Variants in ANO1 observed in about 807,000 individuals in gnomAD.
The protein encoded by ANO1 is anoctamin-1.
In ANO1, 59 loss-of-function variants were observed where a neutral mutation model predicts 124.0. That is an observed-to-expected ratio of 0.48 (90% CI 0.39 to 0.59). The LOEUF is 0.59. ANO1 is among the 20% of genes least tolerant of loss of function. The pLI is 0.00. For synonymous variants in ANO1, 529 were observed against 532.0 expected (o/e 0.99, Z 0.08); for missense variants, 1,059 against 1,328.0 (o/e 0.80, Z 3.15).
chr11:69,998,684 C>G lies in ANO1; in HGVS notation c.58+12518C>G, dbSNP rs116454545. Among the ~76,000 whole-genome samples the G allele has an allele frequency of 8.6e-3, 1,306 of 152,280 alleles. 5 individuals carry two copies. The highest frequency in any genetic ancestry group is 0.024 in the Middle Eastern group (7 of 294). On this transcript the variant is annotated intron_variant, in intron 1 of 27. Transcript: ENST00000531349. ...AAATACCTGGCCAGGCGCAGTGGCT[C>G]ACACCTGCAATCTCAGCACTTGGGT...
In ANO1 at chr11:70,167,406, A is replaced by C. The variant is rs1433139279; in HGVS notation, c.2197+19A>C. On this transcript the variant is annotated intron_variant, in intron 21 of 25. Coordinates refer to ENST00000355303, the MANE Select transcript of ANO1 (RefSeq NM_018043.7). The stretch of plus-strand genomic sequence containing the variant: ...GAAATGAGTGAGTGATGGCCGGGGC[A>C]GGCAGGTGACATCAGGATAGAAACA... 10 of 1,603,164 alleles carry C rather than the reference A, an allele frequency of 6.2e-6. No individual in the cohort carries two copies. The South Asian group carries it at 1.0e-4, about 16-fold the overall frequency.
intron 10 of ANO1, among the ~76,000 whole-genome samples, chr11:70,130,150 A>G (rs1284555319): frequency 6.6e-6 from 1 of 152,132 alleles, no homozygotes; most frequent in African/African-American, 2.4e-5. Context: ...CTCCGACCCA[A>G]CCAGCCAGGG....
chr11:70,140,662 G>A (rs1324042078), intron 11 of ANO1, among the ~76,000 whole-genome samples: 1 of 152,168 alleles, frequency 6.6e-6, no homozygotes, highest in Non-Finnish European at 1.5e-5. Context: ...TTTATGTAGA[G>A]GATAACAAAG....
At chr11:70,002,473 A>AAAAAAAAAAAAAC (rs1459201747) in intron 1 of ANO1, among the ~76,000 whole-genome samples, 1 of 151,434 alleles carries the variant, frequency 6.6e-6, no homozygotes, top group African/African-American at 2.4e-5. Flanking sequence ...AAAAAAAAAA[A>AAAAAAAAAAAAAC]AAAACACCAA....
At chr11:70,022,889 G>GTGC (rs1856832419) in intron 1 of ANO1, among the ~76,000 whole-genome samples, 1 of 152,182 alleles carries the variant, frequency 6.6e-6, no homozygotes, top group Non-Finnish European at 1.5e-5. Flanking sequence ...TCATCACAGG[G>GTGC]AGCTTATAAG....
intron 8 of ANO1, among the ~76,000 whole-genome samples, chr11:70,119,933 G>A (rs2046187129): frequency 6.6e-6 from 1 of 151,998 alleles, no homozygotes; most frequent in Non-Finnish European, 1.5e-5. Context: ...AAGGAGGGAA[G>A]GAGGGAGGAT....
intron 1 of ANO1, among the ~76,000 whole-genome samples, chr11:70,046,438 C>T (rs117875178): frequency 0.011 from 1,617 of 152,132 alleles, 12 homozygotes; most frequent in Non-Finnish European, 0.014. Flanking sequence ...GCAAAACCTA[C>T]CAGGGCAAAA....
In ANO1 at chr11:70,165,530, A is replaced by G; in HGVS notation, c.2011A>G (p.Lys671Glu). The G allele has an allele frequency of 6.2e-7, 1 of 1,612,346 alleles. No homozygotes were observed. Among genetic ancestry groups the G allele is most frequent in the Non-Finnish European group, 8.5e-7 (1 of 1,179,380 alleles). Residue 671 changes from lysine (K) to glutamate (E), a missense_variant, in exon 20 of 26, where the codon AAA (lysine) becomes GAA (glutamate). Around this residue, in one of 2 missense-constraint regions of ANO1, gnomAD observed 809 missense variants for 1,094.9 expected, o/e 0.74. Transcript: ENST00000355303. ...CCAGCTCAGCATCATCATGCTGGGG[A>G]AACAGCTGATCCAGAACAACCTGTT... ...CIQLSIIMLG[K>E]QLIQNNLFEI... is the part of the protein sequence containing the mutation.
chr11:70,168,809 A>T (rs1161373916), intron 21 of ANO1, among the ~76,000 whole-genome samples: 1 of 152,056 alleles, frequency 6.6e-6, no homozygotes, highest in Non-Finnish European at 1.5e-5. Flanking sequence ...ATTTCACCAC[A>T]AGTGCTGCCG....
In ANO1 at chr11:70,156,832, T is replaced by C. The variant is rs958037847; in HGVS notation, c.1504-115T>C. 8.1e-6 allele frequency: 7 copies of C among 862,728 alleles called. No individual in the cohort carries two copies. In the East Asian group the frequency reaches 1.4e-4, roughly 17 times the overall value. The allele number at this position is 862,728 out of a possible 1,614,324, so 53.4% of individuals were successfully genotyped here. ...TTTTTGAGGTTTTTCTGAGTATTTCTGTTGTTCAAGTTGTCCCTGGGCCCA... is the reference window on the plus strand; with the variant it reads ...TTTTTGAGGTTTTTCTGAGTATTTCCGTTGTTCAAGTTGTCCCTGGGCCCA... On this transcript the variant is annotated intron_variant, in intron 15 of 25. Transcript: ENST00000355303.
In ANO1 at chr11:70,153,104, G is replaced by T; in HGVS notation, c.1401G>T (p.Leu467=). Residue 467 remains leucine, a synonymous_variant, in exon 14 of 26, where the codon CTG becomes CTT. Coordinates refer to ENST00000355303, the MANE Select transcript of ANO1 (RefSeq NM_018043.7). ...EYEARVLEKS[L]KKESRNKEKR... is the part of the protein sequence containing the mutation. ...AAGCCAGAGTCTTGGAGAAGTCTCT[G>T]AAGAAAGAGTCCAGAAACAAAGAGG... The T allele has an allele frequency of 6.2e-7, 1 of 1,606,960 alleles. No individual in the cohort carries two copies. Among genetic ancestry groups the T allele is most frequent in the East Asian group, 2.2e-5 (1 of 44,748 alleles).
chr11:70,166,231 C>A (rs972379561), intron 20 of ANO1, among the ~76,000 whole-genome samples: 7 of 152,030 alleles, frequency 4.6e-5, no homozygotes, highest in Admixed American at 2.0e-4. Context: ...GGCAGGAGAA[C>A]CCCTTGAACC....
At position 70,103,865 on chromosome 11, in the gene ANO1, C is replaced by G. The variant is rs1442602540; in HGVS notation, c.541-134C>G. 10 of 959,792 alleles carry G rather than the reference C, an allele frequency of 1.0e-5. No individual in the cohort carries two copies. In the East Asian group the frequency reaches 2.7e-4, roughly 26 times the overall value. The allele number at this position is 959,792 out of a possible 1,614,324, so 59.5% of individuals were successfully genotyped here. ...GGCGGGGTGGGGCGGTGCATTCTGG[C>G]CCACCCAGGTGCTCTGCTCTCAGGA... On this transcript the variant is annotated intron_variant, in intron 3 of 25. Coordinates refer to ENST00000355303, the MANE Select transcript of ANO1 (RefSeq NM_018043.7).
chr11:70,157,929 G>C (rs1360895423), intron 16 of ANO1, among the ~76,000 whole-genome samples: 1 of 145,286 alleles, frequency 6.9e-6, no homozygotes, highest in Non-Finnish European at 1.5e-5. Flanking sequence ...GCAGTGAGCT[G>C]TGGTCACGCC....
chr11:70,168,428 C>T (rs1207110081), intron 21 of ANO1, among the ~76,000 whole-genome samples: 3 of 152,024 alleles, frequency 2.0e-5, no homozygotes, highest in Non-Finnish European at 4.4e-5. Flanking sequence ...CCCACCCCTC[C>T]TCTGCTTGGT....
At chr11:70,059,604 G>C (rs1307460397) in intron 1 of ANO1, among the ~76,000 whole-genome samples, 1 of 152,150 alleles carries the variant, frequency 6.6e-6, no homozygotes, top group African/African-American at 2.4e-5. Flanking sequence ...CTGATGCGTA[G>C]GAAAAGGAGG....
chr11:70,071,194 T>C (rs1244174165), intron 1 of ANO1, among the ~76,000 whole-genome samples: 2 of 152,250 alleles, frequency 1.3e-5, no homozygotes, highest in Non-Finnish European at 2.9e-5. Context: ...GAATGTGCTG[T>C]GATTGGCCTT....
At chr11:70,076,533 G>A (rs181828641), upstream of ANO1, among the ~76,000 whole-genome samples, 198 of 152,146 alleles carry the variant, frequency 1.3e-3, 1 homozygote, top group African/African-American at 4.5e-3. Context: ...ATTACACAAT[G>A]TTGGTTGTTT....
At chr11:70,135,878 C>T (rs770715214) in intron 11 of ANO1, among the ~76,000 whole-genome samples, 9 of 152,220 alleles carry the variant, frequency 5.9e-5, no homozygotes, top group South Asian at 2.1e-4. Flanking sequence ...GAGCCCAAAG[C>T]GCTACGTGGC....
Sources: gnomAD v4.1 joint callset for allele counts (sites outside exome capture counted in the v4.1 genomes callset) on GRCh38, gnomAD v4.1.1 for gene constraint, gnomAD v4.1.1 regional missense constraint, MANE v1.5 for transcripts, NCBI Gene and HGNC (gene_info 2026-07-23, HGNC 2026-07-21) for gene names.